COG4: variants seen among roughly 807,000 people sequenced by gnomAD.
The protein encoded by COG4 is conserved oligomeric Golgi complex subunit 4.
A neutral mutation model predicts 95.1 loss-of-function variants in COG4; 65 were observed. The observed-to-expected ratio is 0.68, with a 90% CI of 0.56 to 0.84. The LOEUF is 0.84. Ranked by LOEUF, COG4 falls within the 40% of genes least tolerant of loss-of-function variation. The pLI is 0.00. For missense variants in COG4, 1,045 were observed against 989.1 expected (o/e 1.06, Z -0.76); for synonymous variants, 421 against 374.8 (o/e 1.12, Z -1.42).
rs1280382536 is a variant in COG4 at position 70,517,690 on chromosome 16, A to G, written c.305T>C (p.Ile102Thr). The G allele has an allele frequency of 6.2e-7, 1 of 1,611,560 alleles. No individual in the cohort carries two copies. The highest frequency in any genetic ancestry group is 8.5e-7 in the Non-Finnish European group (1 of 1,178,970). The change falls in exon 3 of 19, where the codon ATC (isoleucine) becomes ACC (threonine). Residue 102 changes from isoleucine (I) to threonine (T), a missense_variant. Coordinates refer to ENST00000323786, the MANE Select transcript of COG4 (RefSeq NM_015386.3). The part of the protein sequence containing the change: ...EGDAKQLAGM[I>T]TFTCNLAENV... The stretch of plus-strand genomic sequence containing the variant: ...CTCAGCCAGGTTGCAGGTAAAGGTG[A>G]TCATTCCAGCCAGCTGCTTTGCATC...
At chr16:70,481,677 G>C (rs2048995732) in intron 17 of COG4, 87 bp downstream of exon 17, 2 of 1,359,888 alleles carry the variant, frequency 1.5e-6, no homozygotes, top group Non-Finnish European at 2.1e-6. Flanking sequence ...AGCAGACAGA[G>C]GGGATGCAAG....
chr16:70,489,484 T>G (rs1348120190), intron 13 of COG4, among the ~76,000 whole-genome samples: 1 of 151,594 alleles, frequency 6.6e-6, no homozygotes, highest in Admixed American at 6.6e-5. Flanking sequence ...CCCAAAGTGT[T>G]AGGATTACAG....
In COG4 at chr16:70,481,142, C is replaced by A; in HGVS notation, c.2238G>T (p.Val746=). 2 of 1,613,318 alleles carry A rather than the reference C, an allele frequency of 1.2e-6. No homozygotes were observed. The highest frequency in any genetic ancestry group is 2.2e-5 in the South Asian group (2 of 91,064). The change falls in exon 19 of 19, where the codon GTG becomes GTT. Residue 746 remains valine, a splice_region_variant and synonymous_variant. Transcript: ENST00000323786. The part of the protein sequence containing the change: ...QMATILNLER[V]TEILDYWGPN... ...GTCCCCAGTAATCGAGGATCTCGGT[C>A]ACCTGTGGGGAAGGACATAGAGACC... is the stretch of plus-strand genomic sequence containing the variant.
intron 12 of COG4, among the ~76,000 whole-genome samples, chr16:70,492,521 C>T (rs1335496525): frequency 2.0e-5 from 3 of 151,686 alleles, no homozygotes; most frequent in African/African-American, 7.3e-5. Context: ...ATTAGCCGGG[C>T]GTGGTGGTGC....
intron 8 of COG4, among the ~76,000 whole-genome samples, chr16:70,506,606 A>AAAAC (rs2049575013): frequency 1.3e-5 from 1 of 78,712 alleles, no homozygotes; most frequent in African/African-American, 4.9e-5. Context: ...AAAAAAAAAA[A>AAAAC]AAAAAAAAAA....
chr16:70,512,759 C>T (rs2049736893), intron 4 of COG4, among the ~76,000 whole-genome samples: 1 of 152,224 alleles, frequency 6.6e-6, no homozygotes, highest in South Asian at 2.1e-4. Context: ...ATGGCTGAAT[C>T]ACAAGGTCAA....
Position 70,482,840 on chromosome 16 carries a change from G to A in COG4, c.1828-19C>T. 1.2e-6 allele frequency: 2 copies of A among 1,603,736 alleles called. No homozygotes were observed. Among genetic ancestry groups the A allele is most frequent in the Non-Finnish European group, 1.7e-6 (2 of 1,170,958 alleles). ...GCCCTTCCTGCACAAGGACAAGGTG[G>A]AGACATGTGACACAGAAGGCACGAC... On this transcript the variant is annotated intron_variant, in intron 14 of 18. Transcript: ENST00000323786.
chr16:70,519,858 C>T, intron 1 of COG4, 127 bp from the exon 2 acceptor site: 1 of 735,910 alleles, frequency 1.4e-6, no homozygotes. Context: ...CTATGTTCTC[C>T]TTAGACTTTA....
intron 5 of COG4, 98 bp downstream of exon 5, chr16:70,512,141 G>T: frequency 8.7e-7 from 1 of 1,155,588 alleles, no homozygotes; most frequent in Non-Finnish European, 1.3e-6. Context: ...GTCATATCCA[G>T]AAGAGAGAAA....
rs556098218 is a variant in COG4 at position 70,482,298 on chromosome 16, C to T, written c.1921-123G>A. On this transcript the variant is annotated intron_variant, in intron 15 of 18. Transcript: ENST00000323786. ...TCTTCCTTCCCTGTGCCTTCTGACTCATCTAGTTTAAAACCAGCTCAGACA... is the reference window on the plus strand; with the variant it reads ...TCTTCCTTCCCTGTGCCTTCTGACTTATCTAGTTTAAAACCAGCTCAGACA... The T allele has an allele frequency of 1.4e-3, 1,090 of 757,358 alleles. 12 individuals carry two copies. The highest frequency in any genetic ancestry group is 9.2e-3 in the South Asian group (632 of 68,734). 46.9% of individuals were successfully genotyped at this position (757,358 alleles called of 1,614,324 possible).
At position 70,495,182 on chromosome 16, in the gene COG4, G is replaced by T. The variant is rs537741600; in HGVS notation, c.1647+1084C>A. Among the ~76,000 whole-genome samples the T allele has an allele frequency of 2.5e-4, 37 of 149,574 alleles. 2 individuals carry two copies. In the South Asian group the frequency reaches 7.8e-3, roughly 32 times the overall value. ...AAGACGGGTGGATCACTTGAGGTCAGAAGTTCGAGACCAGCCTGGCCAACA... is the reference window on the plus strand; with the variant it reads ...AAGACGGGTGGATCACTTGAGGTCATAAGTTCGAGACCAGCCTGGCCAACA... On this transcript the variant is annotated intron_variant, in intron 12 of 18. Coordinates refer to ENST00000323786, the MANE Select transcript of COG4 (RefSeq NM_015386.3).
At chr16:70,482,697 G>T in intron 15 of COG4, 32 bp downstream of exon 15, 2 of 1,580,922 alleles carry the variant, frequency 1.3e-6, no homozygotes, top group Non-Finnish European at 1.7e-6. Context: ...AGGGGTCATC[G>T]GGGCTTGATG....
rs530937603 is a variant in COG4 at position 70,483,030 on chromosome 16, A to G, written c.1828-209T>C. 2.4e-4 allele frequency among the ~76,000 whole-genome samples: 6 copies of G among 25,192 alleles called. No homozygotes were observed. The East Asian group carries it at 6.8e-3, about 28-fold the overall frequency. 16.5% of individuals were successfully genotyped at this position (25,192 alleles called of 152,430 possible). A position where few individuals can be genotyped will look rare whatever the true frequency, so the allele number is the denominator to read the frequency against. On this transcript the variant is annotated intron_variant, in intron 14 of 18. Transcript: ENST00000323786. ...CCTACCCCTTCCCTCTCCTCTCCCCACCCCTTCCCTCTCCTCTCCCCACTC... is the reference window on the plus strand; with the variant it reads ...CCTACCCCTTCCCTCTCCTCTCCCCGCCCCTTCCCTCTCCTCTCCCCACTC...
At chr16:70,498,154 A>C in intron 9 of COG4, 99 bp from the exon 10 acceptor site, 1 of 755,330 alleles carries the variant, frequency 1.3e-6, no homozygotes, top group Non-Finnish European at 2.4e-6. Context: ...CTTTCTTTGA[A>C]ATATGTACAT....
chr16:70,483,077 C>T (rs2049040769), intron 14 of COG4, among the ~76,000 whole-genome samples: 1 of 87,992 alleles, frequency 1.1e-5, no homozygotes, highest in African/African-American at 4.7e-5. Flanking sequence ...TCTCCCCACC[C>T]CATCCCTCTT....
intron 8 of COG4, among the ~76,000 whole-genome samples, chr16:70,503,886 G>C (rs191731073): frequency 8.1e-6 from 1 of 122,774 alleles, no homozygotes; most frequent in Non-Finnish European, 1.5e-5. Flanking sequence ...GAGCCACCGC[G>C]CCCGGCCAAC....
In COG4 at chr16:70,518,977, C is replaced by CA. The variant is rs745760936; in HGVS notation, c.254+671dup. ...GGGGGACAAAAACGAAGCTCCATCT[C>CA]AAAAAAAAAAAAAAAGGTGGTTCTC... is the stretch of plus-strand genomic sequence containing the variant. On this transcript the variant is annotated intron_variant, in intron 2 of 18. Coordinates refer to ENST00000323786, the MANE Select transcript of COG4 (RefSeq NM_015386.3). Among the ~76,000 whole-genome samples, 186 of 113,260 alleles carry CA rather than the reference C, an allele frequency of 1.6e-3. 1 individual carries two copies. Among genetic ancestry groups the CA allele is most frequent in the South Asian group, 5.2e-3 (18 of 3,442 alleles). 74.3% of individuals were successfully genotyped at this position (113,260 alleles called of 152,430 possible).
intron 16 of COG4, 34 bp from the exon 17 acceptor site, chr16:70,481,899 A>G (rs986038035): frequency 6.4e-7 from 1 of 1,572,844 alleles, no homozygotes; most frequent in African/African-American, 1.3e-5. Flanking sequence ...GCCGAGCCCC[A>G]CCTAACTCCT....
intron 3 of COG4, among the ~76,000 whole-genome samples, chr16:70,516,623 A>G (rs887221492): frequency 1.3e-5 from 2 of 152,106 alleles, no homozygotes; most frequent in African/African-American, 4.8e-5. Context: ...GTCTATATTC[A>G]TAAGAGCTAC....
Sources: gnomAD v4.1 joint callset for allele counts (sites outside exome capture counted in the v4.1 genomes callset) on GRCh38, gnomAD v4.1.1 for gene constraint, MANE v1.5 for transcripts, NCBI Gene and HGNC (gene_info 2026-07-23, HGNC 2026-07-21) for gene names.